ZFHX3: variants seen among roughly 807,000 people sequenced by gnomAD.
ZFHX3 encodes zinc finger homeobox protein 3.
Under a neutral mutation model 279.1 loss-of-function variants are expected in ZFHX3, and 42 were observed. The observed-to-expected ratio is 0.15, with a 90% confidence interval of 0.12 to 0.19. The LOEUF is 0.19. ZFHX3 is among the 10% of genes least tolerant of loss of function. The pLI, the probability that ZFHX3 is intolerant of heterozygous loss-of-function variation, is 1.00. For synonymous variants in ZFHX3, 2,293 were observed against 1,957.8 expected, an observed-to-expected ratio of 1.17 and a Z score of -4.52; for missense variants, 4,981 against 4,754.0, an observed-to-expected ratio of 1.05 and a Z score of -1.40.
At chr16:73,555,086 G>A (rs1596995492) in intron 2 of ZFHX3, among the ~76,000 whole-genome samples, 1 of 152,260 alleles carries the variant, frequency 6.6e-6, no homozygotes, top group South Asian at 2.1e-4. Flanking sequence ...GAGAATTTAT[G>A]AAGGGAGCGG....
At chr16:73,107,575 C>T (rs1966319818) in intron 7 of ZFHX3, among the ~76,000 whole-genome samples, 1 of 152,210 alleles carries the variant, frequency 6.6e-6, no homozygotes, top group African/African-American at 2.4e-5. Flanking sequence ...CCCTCCTCCA[C>T]ATCACTCCTG....
intron 2 of ZFHX3, among the ~76,000 whole-genome samples, chr16:73,461,810 C>T (rs1275582511): frequency 1.3e-5 from 2 of 152,112 alleles, no homozygotes; most frequent in African/African-American, 4.8e-5. Flanking sequence ...TAGATGATTC[C>T]TCTCACTTTA....
At chr16:73,349,604 C>T (rs2016186474) in intron 3 of ZFHX3, among the ~76,000 whole-genome samples, 1 of 141,380 alleles carries the variant, frequency 7.1e-6, no homozygotes, top group African/African-American at 3.0e-5. Flanking sequence ...CTCTCTCTCT[C>T]CCTTACTTCC....
At chr16:72,864,232 T>A (rs1238183449) in intron 4 of ZFHX3, among the ~76,000 whole-genome samples, 2 of 152,208 alleles carry the variant, frequency 1.3e-5, no homozygotes, top group African/African-American at 4.8e-5. Flanking sequence ...TATTTTTTTC[T>A]TTTGATTTAC....
chr16:73,846,383 A>C (rs538685064), intron 1 of ZFHX3, among the ~76,000 whole-genome samples: 2 of 152,332 alleles, frequency 1.3e-5, no homozygotes, highest in South Asian at 4.1e-4. Flanking sequence ...TAAAGATCTC[A>C]TTTCTAGGTG....
intron 3 of ZFHX3, among the ~76,000 whole-genome samples, chr16:73,338,854 C>G (rs375767828): frequency 2.6e-4 from 39 of 152,218 alleles, no homozygotes; most frequent in African/African-American, 8.9e-4. Flanking sequence ...TAGCACCATC[C>G]GCTTGGTGCT....
At chr16:73,144,881 A>G (rs1218489803) in intron 5 of ZFHX3, among the ~76,000 whole-genome samples, 1 of 152,230 alleles carries the variant, frequency 6.6e-6, no homozygotes, top group Non-Finnish European at 1.5e-5. Context: ...GGGATAATCC[A>G]TATTTCAACC....
chr16:73,707,094 T>C (rs182527113), intron 1 of ZFHX3, among the ~76,000 whole-genome samples: 260 of 152,366 alleles, frequency 1.7e-3, no homozygotes, highest in Non-Finnish European at 3.0e-3. Context: ...CTTGAATTCA[T>C]CAAAGATTTT....
intron 3 of ZFHX3, among the ~76,000 whole-genome samples, chr16:73,446,483 G>A (rs2018187178): frequency 6.6e-6 from 1 of 152,020 alleles, no homozygotes; most frequent in African/African-American, 2.4e-5. Flanking sequence ...AACAGCATGG[G>A]GAAACCTCCC....
chr16:72,791,175 G>A (rs558911716), intron 9 of ZFHX3: 30 of 152,262 alleles, frequency 2.0e-4, no homozygotes, highest in African/African-American at 6.5e-4. Flanking sequence ...TGAACTCTTG[G>A]AACCTCAGCT....
chr16:73,850,756 T>C (rs328380), intron 1 of ZFHX3, among the ~76,000 whole-genome samples: 79,905 of 150,670 alleles, frequency 0.53, 23,053 homozygotes, highest in African/African-American at 0.76. Flanking sequence ...AGCACTTCCT[T>C]GCAAAGCAGC....
At chr16:72,803,192 CG>C (rs897368763) in intron 7 of ZFHX3, among the ~76,000 whole-genome samples, 7 of 152,000 alleles carry the variant, frequency 4.6e-5, no homozygotes, top group African/African-American at 1.7e-4. Context: ...ATTAGCCAGG[CG>C]TGGTGGCTCA....
chr16:73,334,758 T>C (rs2143238349), intron 3 of ZFHX3, among the ~76,000 whole-genome samples: 1 of 150,470 alleles, frequency 6.6e-6, no homozygotes, highest in Middle Eastern at 3.5e-3. Context: ...AGTCCTGTGA[T>C]CTTCCATTAA....
intron 2 of ZFHX3, among the ~76,000 whole-genome samples, chr16:73,567,508 C>T (rs1597002787): frequency 6.6e-6 from 1 of 152,314 alleles, no homozygotes; most frequent in East Asian, 1.9e-4. Flanking sequence ...CACCAGCCCT[C>T]TTCAACTGCA....
chr16:73,800,114 T>A (rs114991048), intron 1 of ZFHX3, among the ~76,000 whole-genome samples: 486 of 152,256 alleles, frequency 3.2e-3, no homozygotes, highest in African/African-American at 0.011. Flanking sequence ...ATAGAAATCA[T>A]CTACAAACAT....
intron 2 of ZFHX3, among the ~76,000 whole-genome samples, chr16:73,497,267 C>T (rs549958399): frequency 1.1e-3 from 162 of 152,314 alleles, no homozygotes; most frequent in African/African-American, 3.7e-3. Context: ...TTAACCAGTC[C>T]TCAGCCACTC....
chr16:73,423,282 A>C (rs73594929), intron 3 of ZFHX3, among the ~76,000 whole-genome samples: 2,438 of 152,252 alleles, frequency 0.016, 67 homozygotes, highest in African/African-American at 0.056. Flanking sequence ...TTGGACAGAC[A>C]CAGTTTTATA....
chr16:73,209,588 T>G (rs540082526), intron 5 of ZFHX3, among the ~76,000 whole-genome samples: 288 of 152,306 alleles, frequency 1.9e-3, no homozygotes, highest in Non-Finnish European at 3.4e-3. Flanking sequence ...AGGTCCCATC[T>G]CCCAACATTG....
chr16:73,883,266 T>G (rs1264338744), intron 1 of ZFHX3, among the ~76,000 whole-genome samples: 1 of 152,074 alleles, frequency 6.6e-6, no homozygotes, highest in Admixed American at 6.6e-5. Flanking sequence ...CAGAAACAAC[T>G]CAGCTTAGAA....
Sources: allele counts gnomAD v4.1 joint callset (sites outside exome capture counted in the v4.1 genomes callset), GRCh38; gene constraint gnomAD v4.1.1; transcripts MANE v1.5; gene names NCBI Gene and HGNC (gene_info 2026-07-23, HGNC 2026-07-21).